MICU3: variants seen among roughly 807,000 people sequenced by gnomAD.
The protein encoded by MICU3 is calcium uptake protein 3, mitochondrial.
Under a neutral mutation model 66.5 loss-of-function variants are expected in MICU3, and 62 were observed. The observed-to-expected ratio is 0.93, with a 90% confidence interval of 0.76 to 1.15. MICU3 has a LOEUF of 1.15. Ranked by LOEUF, MICU3 falls within the 50% of genes most tolerant of loss-of-function variation. The pLI is 0.00. For synonymous variants in MICU3, 308 were observed against 240.7 expected, an observed-to-expected ratio of 1.28 and a Z score of -2.59; for missense variants, 779 against 664.4, an observed-to-expected ratio of 1.17 and a Z score of -1.90.
At chr8:17,133,511 A>C in the MICU3 span, among the ~76,000 whole-genome samples, 2 of 152,034 alleles carry the variant, frequency 1.3e-5, no homozygotes, top group Admixed American at 1.3e-4. Flanking sequence ...ATATATCTCA[A>C]AGATTTTCAT....
chr8:17,095,638 G>T (rs914788477), intron 8 of MICU3, among the ~76,000 whole-genome samples: 1 of 151,766 alleles, frequency 6.6e-6, no homozygotes, highest in Non-Finnish European at 1.5e-5. Context: ...CTGAACATGG[G>T]CAACGTTAGG....
the MICU3 span, chr8:17,132,337 A>G: frequency 2.0e-5 from 3 of 152,184 alleles, no homozygotes; most frequent in Non-Finnish European, 4.4e-5. Flanking sequence ...TCTACTGTTC[A>G]TTGATTTCGC....
At chr8:17,101,712 T>G (rs1391036960) in intron 9 of MICU3, among the ~76,000 whole-genome samples, 1 of 151,904 alleles carries the variant, frequency 6.6e-6, no homozygotes, top group African/African-American at 2.4e-5. Flanking sequence ...CACTAACTTT[T>G]GGTGTTCCTG....
At chr8:17,130,690 T>C in the MICU3 span, among the ~76,000 whole-genome samples, 3 of 152,202 alleles carry the variant, frequency 2.0e-5, no homozygotes, top group African/African-American at 2.4e-5. Context: ...TCAGTTAATA[T>C]AGATTGCGAC....
the MICU3 span, among the ~76,000 whole-genome samples, chr8:17,130,733 A>AT: frequency 4.6e-5 from 7 of 152,164 alleles, no homozygotes; most frequent in South Asian, 4.1e-4. Flanking sequence ...AAATGCAGTA[A>AT]TTTTTTTTAA....
At chr8:17,096,181 A>G (rs1282600009) in intron 8 of MICU3, among the ~76,000 whole-genome samples, 3 of 151,934 alleles carry the variant, frequency 2.0e-5, no homozygotes, top group African/African-American at 4.8e-5. Context: ...TCAAAGCATC[A>G]TAGTTGTCTG....
At chr8:17,094,061 C>T (rs926962878) in intron 8 of MICU3, among the ~76,000 whole-genome samples, 1 of 151,986 alleles carries the variant, frequency 6.6e-6, no homozygotes, top group African/African-American at 2.4e-5. Context: ...ATGTAAATCA[C>T]TTACTTGCTT....
intron 4 of MICU3, among the ~76,000 whole-genome samples, chr8:17,081,416 C>A (rs1011024913): frequency 6.6e-6 from 1 of 152,026 alleles, no homozygotes; most frequent in African/African-American, 2.4e-5. Flanking sequence ...AAACTAGCAA[C>A]AAGTTTAAAA....
At chr8:17,135,974 T>A in the MICU3 span, among the ~76,000 whole-genome samples, 1 of 152,130 alleles carries the variant, frequency 6.6e-6, no homozygotes, top group Non-Finnish European at 1.5e-5. Flanking sequence ...TTGGACAAGT[T>A]GACTTCTCTA....
At chr8:17,106,128 T>C (rs1334063900) in intron 11 of MICU3, among the ~76,000 whole-genome samples, 2 of 152,060 alleles carry the variant, frequency 1.3e-5, no homozygotes, top group African/African-American at 4.8e-5. Context: ...TTCTGAACAG[T>C]TGCATTATCT....
At chr8:17,055,596 C>T (rs1244659491) in intron 1 of MICU3, among the ~76,000 whole-genome samples, 1 of 152,140 alleles carries the variant, frequency 6.6e-6, no homozygotes. Flanking sequence ...TGATTTGCAC[C>T]ACTTCTAGGC....
chr8:17,040,296 C>T (rs1217111019), intron 1 of MICU3, among the ~76,000 whole-genome samples: 1 of 152,184 alleles, frequency 6.6e-6, no homozygotes, highest in Non-Finnish European at 1.5e-5. Context: ...AGTCTTGTAT[C>T]TCAAAAGATT....
downstream of MICU3, among the ~76,000 whole-genome samples, chr8:17,125,984 T>C (rs1275797447): frequency 1.3e-5 from 2 of 150,938 alleles, no homozygotes; most frequent in African/African-American, 4.9e-5. Context: ...AAGCTGAGAT[T>C]TTGCCACTGC....
intron 14 of MICU3, among the ~76,000 whole-genome samples, chr8:17,119,395 A>C (rs763340241): frequency 6.6e-6 from 1 of 152,052 alleles, no homozygotes; most frequent in Non-Finnish European, 1.5e-5. Context: ...TTCAAAAGTC[A>C]ACTGTAGCGA....
chr8:17,110,788 A>T (rs1406197812), intron 11 of MICU3, among the ~76,000 whole-genome samples: 1 of 150,834 alleles, frequency 6.6e-6, no homozygotes, highest in East Asian at 2.0e-4. Context: ...TTTTGCCTAG[A>T]CTTGTCTCAA....
intron 2 of MICU3, among the ~76,000 whole-genome samples, chr8:17,067,733 C>G (rs1023929924): frequency 1.3e-5 from 2 of 152,150 alleles, no homozygotes; most frequent in Admixed American, 6.5e-5. Context: ...GCCACCATGC[C>G]CAGCCCATAG....
intron 1 of MICU3, among the ~76,000 whole-genome samples, chr8:17,029,603 A>G (rs911682552): frequency 1.3e-5 from 2 of 152,154 alleles, no homozygotes; most frequent in Admixed American, 6.5e-5. Flanking sequence ...CCTGTGTCTT[A>G]TGCTTCCCTA....
chr8:17,039,650 A>G (rs1405056206), intron 1 of MICU3, among the ~76,000 whole-genome samples: 2 of 152,186 alleles, frequency 1.3e-5, no homozygotes, highest in Admixed American at 6.5e-5. Context: ...GGACTATTTT[A>G]TAAGTGCTAA....
the MICU3 span, chr8:17,132,106 C>G: frequency 1.3e-5 from 2 of 152,128 alleles, no homozygotes; most frequent in African/African-American, 4.8e-5. Context: ...CATCACAGTT[C>G]CACTGGATAG....
Sources: allele counts gnomAD v4.1 joint callset (sites outside exome capture counted in the v4.1 genomes callset), GRCh38; gene constraint gnomAD v4.1.1; transcripts MANE v1.5; gene names NCBI Gene and HGNC (gene_info 2026-07-23, HGNC 2026-07-21).